SYNE1: variants seen among roughly 807,000 people sequenced by gnomAD.
SYNE1 encodes nesprin-1.
SYNE1 carries 616 observed loss-of-function variants against 1,111.0 expected under a neutral mutation model. The ratio of observed to expected loss-of-function variants is 0.55; its 90% CI spans 0.52 to 0.59. The LOEUF (loss-of-function observed/expected upper bound fraction) is 0.59. Ranked by LOEUF, SYNE1 falls within the 20% of genes least tolerant of loss-of-function variation. SYNE1 has a pLI of 0.00. For synonymous variants in SYNE1, 3,855 were observed against 3,825.8 expected, an observed-to-expected ratio of 1.01 and a Z score of -0.28; for missense variants, 10,006 against 10,417.0, an observed-to-expected ratio of 0.96 and a Z score of 1.72.
intron 42 of SYNE1, among the ~76,000 whole-genome samples, chr6:152,410,976 A>G (rs1363602533): frequency 6.6e-6 from 1 of 152,214 alleles, no homozygotes; most frequent in African/African-American, 2.4e-5. Flanking sequence ...AATGTAGGAT[A>G]ATGTTTAATA....
intron 3 of SYNE1, among the ~76,000 whole-genome samples, chr6:152,571,557 A>G (rs1002658272): frequency 6.6e-6 from 1 of 152,146 alleles, no homozygotes; most frequent in East Asian, 1.9e-4. Flanking sequence ...CTATATGTGT[A>G]TACTTTTTAC....
At chr6:152,313,922 G>A (rs1241854863) in intron 87 of SYNE1, among the ~76,000 whole-genome samples, 3 of 152,042 alleles carry the variant, frequency 2.0e-5, no homozygotes, top group East Asian at 1.9e-4. Context: ...CCTACTGCTC[G>A]AGTCATAGAA....
intron 55 of SYNE1, among the ~76,000 whole-genome samples, chr6:152,384,879 C>CA (rs200695551): frequency 0.15 from 18,536 of 123,208 alleles, 2,058 homozygotes; most frequent in African/African-American, 0.32. Context: ...GACTCCATTT[C>CA]AAAAAAAAAA....
intron 40 of SYNE1, among the ~76,000 whole-genome samples, chr6:152,417,506 A>AAAC (rs1329968571): frequency 1.3e-5 from 2 of 148,328 alleles, no homozygotes; most frequent in African/African-American, 5.1e-5. Context: ...TCAAACAAAC[A>AAAC]AACAAACAAA....
intron 102 of SYNE1, among the ~76,000 whole-genome samples, chr6:152,256,323 G>A (rs1410755174): frequency 1.5e-4 from 22 of 150,934 alleles, no homozygotes; most frequent in Admixed American, 1.3e-3. Flanking sequence ...CCAGCTATTC[G>A]GGAGGGTGAG....
At chr6:152,268,200 G>T in intron 99 of SYNE1, 35 bp from the exon 100 acceptor site, 1 of 1,530,330 alleles carries the variant, frequency 6.5e-7, no homozygotes, top group Non-Finnish European at 9.1e-7. Flanking sequence ...AAACACATTT[G>T]CTACTTTATG....
chr6:152,239,929 G>A (rs898087444), intron 107 of SYNE1, among the ~76,000 whole-genome samples: 33 of 152,278 alleles, frequency 2.2e-4, no homozygotes, highest in African/African-American at 7.9e-4. Context: ...ATGCTGGTGT[G>A]TGCCTGTAAT....
At chr6:152,247,292 C>T (rs372372071) in intron 105 of SYNE1, among the ~76,000 whole-genome samples, 11 of 152,204 alleles carry the variant, frequency 7.2e-5, no homozygotes, top group South Asian at 2.1e-4. Flanking sequence ...GGAATTAGCA[C>T]GTTCATTAGT....
In SYNE1 at chr6:152,361,118, C is replaced by T. The variant is rs530447464; in HGVS notation, c.10299+1052G>A. Among the ~76,000 whole-genome samples, 13 of 152,262 alleles carry T rather than the reference C, an allele frequency of 8.5e-5. 1 individual carries two copies. In the South Asian group the frequency reaches 2.7e-3, roughly 32 times the overall value. On this transcript the variant is annotated intron_variant, in intron 64 of 145. Transcript: ENST00000367255. Reference sequence around the variant, plus strand: ...AGTAGGAGGTTGCCAGGGGCAGAGACAGAGCAAGGACCTTCTGTAAAAAGA... The same window carrying T: ...AGTAGGAGGTTGCCAGGGGCAGAGATAGAGCAAGGACCTTCTGTAAAAAGA...
intron 108 of SYNE1, among the ~76,000 whole-genome samples, chr6:152,238,486 T>C (rs2084752986): frequency 6.6e-6 from 1 of 152,198 alleles, no homozygotes; most frequent in Non-Finnish European, 1.5e-5. Context: ...TAAAGGTAGA[T>C]GTCTCTCCAA....
intron 111 of SYNE1, 55 bp from the exon 112 acceptor site, chr6:152,234,018 A>G: frequency 6.3e-7 from 1 of 1,582,110 alleles, no homozygotes; most frequent in Non-Finnish European, 8.6e-7. Context: ...CATTCATTAA[A>G]AGGAAAGCGA....
At chr6:152,435,583 C>T (rs552847414) in intron 33 of SYNE1, 14 of 261,124 alleles carry the variant, frequency 5.4e-5, no homozygotes, top group Non-Finnish European at 1.0e-4. Context: ...ATCTCCTTTT[C>T]GCTCTAAATG....
intron 64 of SYNE1, among the ~76,000 whole-genome samples, chr6:152,360,370 C>G (rs191410870): frequency 7.2e-5 from 11 of 152,254 alleles, no homozygotes; most frequent in Admixed American, 7.2e-4. Flanking sequence ...GCTTTTTATT[C>G]TATCCGGAAT....
Position 152,301,928 on chromosome 6 carries a change from T to C in SYNE1, c.17482A>G (p.Thr5828Ala), listed in dbSNP as rs1479165960. ...AGGAGCTCCCCATCCAGGTCCTCTG[T>C]CCCTTCCGCCAGCCCCTCGACCTCG... ...VTEVEGLAEG[T>A]EDLDGELLPT... The change falls in exon 92 of 146, where the codon ACA becomes GCA. Residue 5828 changes from threonine to alanine, a missense_variant. By Grantham distance (58) the Thr-to-Ala change is moderately conservative (BLOSUM62 0). Coordinates refer to ENST00000367255, the MANE Select transcript of SYNE1 (RefSeq NM_182961.4). 1 of 1,614,060 alleles carries C rather than the reference T, an allele frequency of 6.2e-7. No individual in the cohort carries two copies. Among genetic ancestry groups the C allele is most frequent in the Non-Finnish European group, 8.5e-7 (1 of 1,180,032 alleles).
At position 152,317,536 on chromosome 6, in the gene SYNE1, C is replaced by A. The variant is rs1035434715; in HGVS notation, c.16572+545G>T. 7.2e-5 allele frequency among the ~76,000 whole-genome samples: 11 copies of A among 152,210 alleles called. 1 individual carries two copies. In the East Asian group the frequency reaches 7.7e-4, roughly 11 times the overall value. On this transcript the variant is annotated intron_variant, in intron 86 of 145. Coordinates refer to ENST00000367255, the MANE Select transcript of SYNE1 (RefSeq NM_182961.4). ...AGGCCTTCCTCTATCCCTTCCTTCA[C>A]CCTCCCCTGGGTAAGGAGGTGGCAA...
chr6:152,132,941 G>T (rs2056197435), intron 143 of SYNE1, among the ~76,000 whole-genome samples: 1 of 150,494 alleles, frequency 6.6e-6, no homozygotes, highest in Non-Finnish European at 1.5e-5. Flanking sequence ...ACAAAACTCA[G>T]ATACAACAAT....
At chr6:152,281,774 T>C (rs754102136) in intron 97 of SYNE1, 33 bp downstream of exon 97, 3 of 1,613,124 alleles carry the variant, frequency 1.9e-6, no homozygotes, top group Admixed American at 3.3e-5. Context: ...TGCTTCATGA[T>C]GTTGACATAT....
intron 3 of SYNE1, among the ~76,000 whole-genome samples, chr6:152,585,599 A>T (rs2099535385): frequency 6.6e-6 from 1 of 152,122 alleles, no homozygotes; most frequent in African/African-American, 2.4e-5. Flanking sequence ...TTTTTCTCCA[A>T]CTTTCTCATT....
At chr6:152,333,936 T>G in intron 77 of SYNE1, 72 bp downstream of exon 77, 5 of 1,597,088 alleles carry the variant, frequency 3.1e-6, no homozygotes, top group Non-Finnish European at 4.3e-6. Flanking sequence ...CCTGGGCACA[T>G]TTTAAATTTT....
Sources: gnomAD v4.1 joint callset for allele counts (sites outside exome capture counted in the v4.1 genomes callset) on GRCh38, gnomAD v4.1.1 for gene constraint, MANE v1.5 for transcripts, NCBI Gene and HGNC (gene_info 2026-07-23, HGNC 2026-07-21) for gene names.